The following EQTN variants were observed in gnomAD, a reference collection of about 807,000 sequenced individuals.
EQTN encodes Acrosome formation associated factor.
A neutral mutation model predicts 26.9 loss-of-function variants in EQTN; 29 were observed. That is an observed-to-expected ratio of 1.08 (90% CI 0.80 to 1.47). EQTN has a LOEUF of 1.47. Ranked by LOEUF, EQTN falls within the 40% of genes most tolerant of loss-of-function variation. The pLI is 0.00. For missense variants in EQTN, 391 were observed against 346.1 expected (o/e 1.13, Z -1.03); for synonymous variants, 129 against 120.0 (o/e 1.07, Z -0.49).
rs908811087 is a variant in EQTN, at chr9:27,289,588, G to T, written c.481+84C>A. ...TGGTCTCGAACTCCTGGACTCAAGCGATCCACCTGCCTCAGCCTCCCAAAG... is the reference window on the plus strand; with the variant it reads ...TGGTCTCGAACTCCTGGACTCAAGCTATCCACCTGCCTCAGCCTCCCAAAG... On this transcript the variant is annotated intron_variant, in intron 6 of 7. Transcript: ENST00000380032. The T allele has an allele frequency of 2.6e-6, 3 of 1,151,904 alleles. No individual in the cohort carries two copies. In the African/African-American group the frequency reaches 4.6e-5, roughly 18 times the overall value. The allele number at this position is 1,151,904 out of a possible 1,614,324, so 71.4% of individuals were successfully genotyped here.
chr9:27,287,869 T>G (rs961351399), intron 6 of EQTN, among the ~76,000 whole-genome samples: 1 of 152,212 alleles, frequency 6.6e-6, no homozygotes, highest in Admixed American at 6.5e-5. Context: ...AGTGGCACAA[T>G]CTTAGCTCAC....
chr9:27,294,175 G>A (rs1306542430), intron 3 of EQTN, 141 bp downstream of exon 3: 2 of 520,042 alleles, frequency 3.8e-6, no homozygotes, highest in African/African-American at 1.9e-5. Context: ...CTGGATCCCA[G>A]TCACAGAATC....
At chr9:27,295,469 T>C (rs1820316602) in intron 2 of EQTN, among the ~76,000 whole-genome samples, 1 of 152,206 alleles carries the variant, frequency 6.6e-6, no homozygotes, top group Non-Finnish European at 1.5e-5. Flanking sequence ...CTATCATCCT[T>C]GAAAAACATA....
At position 27,293,190 on chromosome 9, in the gene EQTN, C is replaced by T. The variant is rs559189398; in HGVS notation, c.290-703G>A. Among the ~76,000 whole-genome samples, 69 of 152,222 alleles carry T rather than the reference C, an allele frequency of 4.5e-4. 1 individual carries two copies. The highest frequency in any genetic ancestry group is 8.7e-4 in the Non-Finnish European group (59 of 68,008). On this transcript the variant is annotated intron_variant, in intron 3 of 7. Coordinates refer to ENST00000380032, the MANE Select transcript of EQTN (RefSeq NM_020641.3). Reference sequence around the variant, plus strand: ...GGGCAGAAAAAATTCACACCAAGCCCACAAACCCATGACAAGTGTCTTGCT... The same window carrying T: ...GGGCAGAAAAAATTCACACCAAGCCTACAAACCCATGACAAGTGTCTTGCT...
chr9:27,286,326 G>T lies in EQTN; in HGVS notation c.518C>A (p.Pro173Gln). ...TTTGATCTTCAGATCCTCTAGATCTGGCTGATTTTCTCCCTGTGTAGCATT... is the reference window on the plus strand; with the variant it reads ...TTTGATCTTCAGATCCTCTAGATCTTGCTGATTTTCTCCCTGTGTAGCATT... ...DVNATQGENQ[P>Q]DLEDLKIKIM... Residue 173 changes from proline to glutamine, a missense_variant, in exon 7 of 8, where the codon CCA becomes CAA. Physicochemically the swap from Pro to Gln is moderately conservative, Grantham distance 76. Transcript: ENST00000380032. 3.7e-6 allele frequency: 6 copies of T among 1,604,010 alleles called. No homozygotes were observed. Among genetic ancestry groups the T allele is most frequent in the Non-Finnish European group, 4.3e-6 (5 of 1,174,798 alleles).
intron 4 of EQTN, among the ~76,000 whole-genome samples, chr9:27,291,860 C>T (rs1438589333): frequency 6.6e-6 from 1 of 152,100 alleles, no homozygotes; most frequent in Non-Finnish European, 1.5e-5. Flanking sequence ...GCCGCTTATT[C>T]AAGACCTTAG....
intron 2 of EQTN, among the ~76,000 whole-genome samples, chr9:27,295,235 C>T (rs1194904647): frequency 6.6e-6 from 1 of 152,140 alleles, no homozygotes; most frequent in Non-Finnish European, 1.5e-5. Context: ...AATATTTCAT[C>T]GTTTTTGAGC....
chr9:27,292,614 A>T, intron 3 of EQTN, 127 bp from the exon 4 acceptor site: 1 of 550,798 alleles, frequency 1.8e-6, no homozygotes, highest in Non-Finnish European at 3.1e-6. Flanking sequence ...GAAACGGAAG[A>T]GAAAGACATT....
Position 27,294,436 on chromosome 9 carries a change from C to T in EQTN, c.203-34G>A, listed in dbSNP as rs1312489782. ...AAAAGCGAAAGTCTTCAGCAACTAGCTAAGTCACTTTTTTTCCTTTACCTT... is the reference window on the plus strand; with the variant it reads ...AAAAGCGAAAGTCTTCAGCAACTAGTTAAGTCACTTTTTTTCCTTTACCTT... On this transcript the variant is annotated intron_variant, in intron 2 of 7. Transcript: ENST00000380032. The T allele has an allele frequency of 2.2e-6, 3 of 1,365,858 alleles. No individual in the cohort carries two copies. In the Admixed American group the frequency reaches 5.6e-5, roughly 25 times the overall value. 84.6% of individuals were successfully genotyped at this position (1,365,858 alleles called of 1,614,324 possible).
At chr9:27,292,635 A>G (rs2131308615) in intron 3 of EQTN, 148 bp from the exon 4 acceptor site, 1 of 527,644 alleles carries the variant, frequency 1.9e-6, no homozygotes, top group Non-Finnish European at 3.3e-6. Flanking sequence ...AACATTTTCC[A>G]GAAATAAAGG....
intron 3 of EQTN, among the ~76,000 whole-genome samples, 199 bp downstream of exon 3, chr9:27,294,117 G>T (rs1820288844): frequency 6.6e-6 from 1 of 152,202 alleles, no homozygotes; most frequent in African/African-American, 2.4e-5. Context: ...AGGTGTATTT[G>T]TGTGGGAGGA....
chr9:27,286,453 C>G, intron 6 of EQTN, 91 bp from the exon 7 acceptor site: 9 of 1,273,952 alleles, frequency 7.1e-6, no homozygotes, highest in Non-Finnish European at 9.8e-6. Context: ...GAGAAGCAAG[C>G]CCTCCACCAT....
intron 4 of EQTN, 56 bp from the exon 5 acceptor site, chr9:27,291,119 A>T: frequency 1.3e-6 from 2 of 1,485,720 alleles, no homozygotes; most frequent in Non-Finnish European, 1.8e-6. Context: ...AGGATAACAA[A>T]ATAATTTAGT....
rs750141509 is a variant in EQTN, at chr9:27,294,350, T to C, written c.255A>G (p.Arg85=). Residue 85 remains arginine (R), a synonymous_variant, in exon 3 of 8, where the codon AGA becomes AGG. Coordinates refer to ENST00000380032, the MANE Select transcript of EQTN (RefSeq NM_020641.3). ...GAGCAAAATTCAGGTCAGTTGTGGCTCTCACAGATATTTCAGACTCAGTGC... is the reference window on the plus strand; with the variant it reads ...GAGCAAAATTCAGGTCAGTTGTGGCCCTCACAGATATTTCAGACTCAGTGC... ...PNGTESEISV[R]ATTDLNFALK... is the part of the protein sequence containing the mutation. 6.2e-6 allele frequency: 10 copies of C among 1,611,532 alleles called. No homozygotes were observed. In the East Asian group the frequency reaches 2.2e-4, roughly 36 times the overall value.
At chr9:27,296,931 T>C (rs1364122762) in intron 1 of EQTN, 49 bp downstream of exon 1, 5 of 1,596,632 alleles carry the variant, frequency 3.1e-6, no homozygotes, top group Middle Eastern at 3.9e-4. Context: ...TGATTATGGG[T>C]CATCCTTCTT....
intron 2 of EQTN, chr9:27,294,628 C>G (rs560790263): frequency 3.3e-6 from 1 of 306,980 alleles, no homozygotes; most frequent in South Asian, 1.3e-4. Context: ...TGACCCTTTC[C>G]AAGAAGCAAT....
At position 27,288,385 on chromosome 9, in the gene EQTN, T is replaced by C. The variant is rs1448192590; in HGVS notation, c.481+1287A>G. Among the ~76,000 whole-genome samples, 5 of 152,268 alleles carry C rather than the reference T, an allele frequency of 3.3e-5. No homozygotes were observed. The East Asian group carries it at 9.7e-4, about 29-fold the overall frequency. ...TCCAAAAATACTTTGGAAGATAGTTTGGTAGTTTCTTACAAAGATAACCAC... is the reference window on the plus strand; with the variant it reads ...TCCAAAAATACTTTGGAAGATAGTTCGGTAGTTTCTTACAAAGATAACCAC... On this transcript the variant is annotated intron_variant, in intron 6 of 7. Coordinates refer to ENST00000380032, the MANE Select transcript of EQTN (RefSeq NM_020641.3).
chr9:27,291,079 A>T lies in EQTN; in HGVS notation c.377-16T>A, dbSNP rs753889900. On this transcript the variant is annotated splice_polypyrimidine_tract_variant and intron_variant, in intron 4 of 7. Transcript: ENST00000380032. ...GGGGTTGATCCTGTTAAAACAAAAC[A>T]AAACACAACAAGAACAACAAGAAAA... The T allele has an allele frequency of 6.3e-7, 1 of 1,598,736 alleles. No homozygotes were observed. Among genetic ancestry groups the T allele is most frequent in the East Asian group, 2.2e-5 (1 of 44,752 alleles).
At chr9:27,296,225 C>T (rs978092436) in intron 2 of EQTN, among the ~76,000 whole-genome samples, 2 of 152,082 alleles carry the variant, frequency 1.3e-5, no homozygotes, top group Non-Finnish European at 1.5e-5. Flanking sequence ...ACTGCTTGAA[C>T]CCTGGGAGGT....
Sources: allele counts gnomAD v4.1 joint callset (sites outside exome capture counted in the v4.1 genomes callset), GRCh38; gene constraint gnomAD v4.1.1; transcripts MANE v1.5; gene names NCBI Gene and HGNC (gene_info 2026-07-23, HGNC 2026-07-21).